Variants in HIVEP1 observed in about 807,000 individuals in gnomAD.
HIVEP1 encodes HIVEP zinc finger 1.
In HIVEP1, 36 loss-of-function variants were observed where a neutral mutation model predicts 180.0. The observed-to-expected ratio is 0.20, with a 90% CI of 0.15 to 0.26. The LOEUF (loss-of-function observed/expected upper bound fraction) is 0.26. Among genes scored for constraint, HIVEP1 ranks in the 10% least tolerant of loss-of-function variants. HIVEP1 has a pLI of 1.00. For missense variants in HIVEP1, 3,143 were observed against 3,268.7 expected (o/e 0.96, Z 0.94); for synonymous variants, 1,239 against 1,239.0 (o/e 1.00, Z 0.00).
the HIVEP1 span, among the ~76,000 whole-genome samples, chr6:12,206,034 G>A: frequency 0.025 from 3,759 of 152,282 alleles, 172 homozygotes; most frequent in African/African-American, 0.086. Context: ...GACCTTATAT[G>A]GAGACAGGGA....
intron 7 of HIVEP1, among the ~76,000 whole-genome samples, chr6:12,156,839 A>G (rs1166096404): frequency 6.6e-6 from 1 of 152,200 alleles, no homozygotes; most frequent in African/African-American, 2.4e-5. Flanking sequence ...GAACATTTCT[A>G]TAAATGTCTA....
intron 7 of HIVEP1, among the ~76,000 whole-genome samples, chr6:12,156,462 T>A (rs888590571): frequency 6.6e-6 from 1 of 152,256 alleles, no homozygotes; most frequent in Non-Finnish European, 1.5e-5. Context: ...GGCTAGCCAG[T>A]TTTCCCAGCA....
chr6:12,182,346 A>C, the HIVEP1 span, among the ~76,000 whole-genome samples: 1 of 152,364 alleles, frequency 6.6e-6, no homozygotes, highest in African/African-American at 2.4e-5. Context: ...TATATGAAGA[A>C]TCACACTCAG....
intron 4 of HIVEP1, 178 bp from the exon 5 acceptor site, chr6:12,129,581 T>C: frequency 1.4e-6 from 1 of 694,890 alleles, no homozygotes; most frequent in Non-Finnish European, 2.7e-6. Flanking sequence ...TTTGCTGTGA[T>C]TGAGACAGAT....
intron 2 of HIVEP1, among the ~76,000 whole-genome samples, chr6:12,070,682 A>T (rs147929583): frequency 6.6e-6 from 1 of 152,324 alleles, no homozygotes; most frequent in East Asian, 1.9e-4. Context: ...CTAAAAAGTC[A>T]CTATCCATAT....
the HIVEP1 span, among the ~76,000 whole-genome samples, chr6:12,179,933 G>T: frequency 1.3e-5 from 2 of 151,916 alleles, no homozygotes; most frequent in South Asian, 4.1e-4. Flanking sequence ...TAAAACATGA[G>T]AAACTAAACA....
intron 3 of HIVEP1, among the ~76,000 whole-genome samples, chr6:12,109,733 C>T (rs1435297739): frequency 6.6e-6 from 1 of 152,164 alleles, no homozygotes; most frequent in African/African-American, 2.4e-5. Context: ...TCTGCTTCTT[C>T]CAAACTCCTG....
At chr6:12,095,905 G>A (rs952817991) in intron 3 of HIVEP1, among the ~76,000 whole-genome samples, 74 of 152,002 alleles carry the variant, frequency 4.9e-4, no homozygotes, top group African/African-American at 1.6e-3. Context: ...TTTTATTTCT[G>A]TTCTAACTTA....
intron 2 of HIVEP1, among the ~76,000 whole-genome samples, chr6:12,041,853 T>G (rs112286083): frequency 2.1e-3 from 99 of 46,998 alleles, no homozygotes; most frequent in African/African-American, 7.6e-3. Flanking sequence ...TAGAAACGGG[T>G]TTTCACCGTG....
At chr6:12,118,478 T>C (rs1345957317) in intron 3 of HIVEP1, among the ~76,000 whole-genome samples, 1 of 152,202 alleles carries the variant, frequency 6.6e-6, no homozygotes, top group Non-Finnish European at 1.5e-5. Flanking sequence ...TAATTATTGC[T>C]CAAAAATACA....
At chr6:12,035,848 A>C (rs1420920046) in intron 2 of HIVEP1, among the ~76,000 whole-genome samples, 2 of 152,226 alleles carry the variant, frequency 1.3e-5, no homozygotes, top group Non-Finnish European at 2.9e-5. Flanking sequence ...CCAGAAACAA[A>C]AAGCATGACA....
intron 2 of HIVEP1, among the ~76,000 whole-genome samples, chr6:12,052,944 A>G (rs1245968663): frequency 1.3e-5 from 2 of 152,226 alleles, no homozygotes; most frequent in African/African-American, 2.4e-5. Context: ...AAATGCTCAG[A>G]AAGTAATTTC....
At chr6:12,031,781 C>A (rs1051037530) in intron 2 of HIVEP1, among the ~76,000 whole-genome samples, 6 of 152,174 alleles carry the variant, frequency 3.9e-5, no homozygotes, top group African/African-American at 1.4e-4. Context: ...TGGTTCTTGA[C>A]AGTTTTGTGT....
chr6:12,130,515 G>A (rs1157581198), intron 5 of HIVEP1, among the ~76,000 whole-genome samples: 1 of 151,918 alleles, frequency 6.6e-6, no homozygotes, highest in African/African-American at 2.4e-5. Flanking sequence ...TCCAGCCTGG[G>A]CAATGGAGCA....
In HIVEP1 at chr6:12,059,529, C is replaced by T. The variant is rs562047322; in HGVS notation, c.41-29655C>T. On this transcript the variant is annotated intron_variant, in intron 2 of 8. Transcript: ENST00000379388. ...AAGATAAAGGCTTAGATTCCTTTCACGTTACTGTGTCCATGATCTTGACTG... is the reference window on the plus strand; with the variant it reads ...AAGATAAAGGCTTAGATTCCTTTCATGTTACTGTGTCCATGATCTTGACTG... Among the ~76,000 whole-genome samples, 7 of 152,330 alleles carry T rather than the reference C, an allele frequency of 4.6e-5. No homozygotes were observed. In the East Asian group the frequency reaches 5.8e-4, roughly 13 times the overall value.
At chr6:12,025,985 A>G (rs1464847638) in intron 2 of HIVEP1, among the ~76,000 whole-genome samples, 1 of 152,034 alleles carries the variant, frequency 6.6e-6, no homozygotes, top group Non-Finnish European at 1.5e-5. Context: ...GTTTGCAGTG[A>G]GCTAAGACCA....
intron 3 of HIVEP1, among the ~76,000 whole-genome samples, chr6:12,108,145 T>C (rs1386081306): frequency 6.6e-6 from 1 of 152,114 alleles, no homozygotes; most frequent in South Asian, 2.1e-4. Context: ...CCCACCAGAG[T>C]AGCTAGATAC....
chr6:12,207,792 G>A, the HIVEP1 span, among the ~76,000 whole-genome samples: 92 of 92,052 alleles, frequency 1.0e-3, 1 homozygote, highest in African/African-American at 2.6e-3. Flanking sequence ...GTACATGACC[G>A]TGGTCTCAGC....
At chr6:12,108,271 C>T (rs1365181654) in intron 3 of HIVEP1, among the ~76,000 whole-genome samples, 1 of 152,250 alleles carries the variant, frequency 6.6e-6, no homozygotes, top group Non-Finnish European at 1.5e-5. Context: ...AATCCCTGAG[C>T]TAGACATAAA....
Sources: allele counts gnomAD v4.1 joint callset (sites outside exome capture counted in the v4.1 genomes callset), GRCh38; gene constraint gnomAD v4.1.1; transcripts MANE v1.5; gene names NCBI Gene and HGNC (gene_info 2026-07-23, HGNC 2026-07-21).